Variants in SPMIP7 observed in about 807,000 individuals in gnomAD.
The protein encoded by SPMIP7 is protein SPMIP7.
the SPMIP7 span, chr7:50,159,102 G>C: frequency 6.4e-7 from 1 of 1,551,856 alleles, no homozygotes; most frequent in Non-Finnish European, 8.7e-7. Context: ...CCCCTGTCTC[G>C]ACTGGTCACA....
At chr7:50,115,747 G>T in the SPMIP7 span, among the ~76,000 whole-genome samples, 2 of 152,092 alleles carry the variant, frequency 1.3e-5, no homozygotes, top group Non-Finnish European at 2.9e-5. Context: ...GTGATTCATT[G>T]TGTTAACTGA....
chr7:50,097,769 A>G, the SPMIP7 span, among the ~76,000 whole-genome samples: 1 of 152,156 alleles, frequency 6.6e-6, no homozygotes, highest in Non-Finnish European at 1.5e-5. Context: ...TAAAATAAAG[A>G]ATAAATGTCA....
the SPMIP7 span, among the ~76,000 whole-genome samples, chr7:50,103,718 C>T: frequency 1.3e-5 from 2 of 152,194 alleles, no homozygotes; most frequent in Admixed American, 1.3e-4. Context: ...TAAGCCCTGA[C>T]AACCTGGTTA....
chr7:50,129,046 A>G, the SPMIP7 span, among the ~76,000 whole-genome samples: 1 of 152,082 alleles, frequency 6.6e-6, no homozygotes, highest in Non-Finnish European at 1.5e-5. Flanking sequence ...TAAAAAAATC[A>G]TCACTAGAAT....
At chr7:50,141,372 T>A in the SPMIP7 span, 1 of 1,549,032 alleles carries the variant, frequency 6.5e-7, no homozygotes, top group Non-Finnish European at 8.7e-7. Flanking sequence ...TAAGCCTCTT[T>A]ATACAAACAC....
chr7:50,121,157 G>T, the SPMIP7 span: 2 of 152,190 alleles, frequency 1.3e-5, no homozygotes, highest in African/African-American at 4.8e-5. Flanking sequence ...ATAATGAATT[G>T]TGAATTTATA....
chr7:50,148,358 T>G, the SPMIP7 span, among the ~76,000 whole-genome samples: 1 of 152,222 alleles, frequency 6.6e-6, no homozygotes, highest in Non-Finnish European at 1.5e-5. Flanking sequence ...ATCAATAACA[T>G]GCATGCCACA....
At chr7:50,141,208 G>C in the SPMIP7 span, 1 of 997,496 alleles carries the variant, frequency 1.0e-6, no homozygotes, top group East Asian at 2.6e-5. Flanking sequence ...TTGGAAGTTA[G>C]AATACTGTTC....
chr7:50,132,707 G>A, the SPMIP7 span, among the ~76,000 whole-genome samples: 1 of 152,110 alleles, frequency 6.6e-6, no homozygotes. Context: ...ATTATATTTA[G>A]TGCTTCTATG....
chr7:50,101,150 G>A, the SPMIP7 span, among the ~76,000 whole-genome samples: 1 of 152,310 alleles, frequency 6.6e-6, no homozygotes, highest in Admixed American at 6.5e-5. Context: ...TACTTCCCAT[G>A]TTGACATTGG....
chr7:50,103,740 C>T, the SPMIP7 span, among the ~76,000 whole-genome samples: 3 of 152,140 alleles, frequency 2.0e-5, no homozygotes, highest in South Asian at 6.2e-4. Context: ...ACTAGGTATT[C>T]TTAGGTATCC....
chr7:50,137,961 C>T, the SPMIP7 span, among the ~76,000 whole-genome samples: 1 of 151,856 alleles, frequency 6.6e-6, no homozygotes, highest in East Asian at 1.9e-4. Flanking sequence ...TATTTTAAGA[C>T]TTTTCTATTT....
At chr7:50,096,392 T>G in the SPMIP7 span, 1 of 1,552,026 alleles carries the variant, frequency 6.4e-7, no homozygotes, top group Non-Finnish European at 8.7e-7. Flanking sequence ...TGATGTGACC[T>G]TAGGTGATTC....
At chr7:50,119,750 A>G in the SPMIP7 span, among the ~76,000 whole-genome samples, 1 of 152,214 alleles carries the variant, frequency 6.6e-6, no homozygotes, top group Non-Finnish European at 1.5e-5. Context: ...AGTGATGCCT[A>G]CAAAAGGTAT....
chr7:50,158,793 G>A, the SPMIP7 span, among the ~76,000 whole-genome samples: 3 of 151,990 alleles, frequency 2.0e-5, no homozygotes, highest in Admixed American at 6.5e-5. Flanking sequence ...CCCCAGGCAC[G>A]GTGCGGTGGG....
the SPMIP7 span, chr7:50,133,975 A>G: frequency 1.5e-6 from 1 of 684,460 alleles, no homozygotes. Flanking sequence ...AGGTGATTAT[A>G]TATGGTATAC....
chr7:50,122,119 A>T, the SPMIP7 span, among the ~76,000 whole-genome samples: 9 of 152,324 alleles, frequency 5.9e-5, no homozygotes, highest in Admixed American at 2.6e-4. Flanking sequence ...GCCTAATAAA[A>T]TATTACTTTT....
At chr7:50,101,448 C>T in the SPMIP7 span, among the ~76,000 whole-genome samples, 1 of 152,150 alleles carries the variant, frequency 6.6e-6, no homozygotes, top group African/African-American at 2.4e-5. Flanking sequence ...GTGAAAGAAC[C>T]ACCCCCAACT....
the SPMIP7 span, among the ~76,000 whole-genome samples, chr7:50,126,462 G>A: frequency 6.6e-6 from 1 of 150,844 alleles, no homozygotes; most frequent in Non-Finnish European, 1.5e-5. Context: ...AAACATTCTA[G>A]GAAACAACCA....
Sources: gnomAD v4.1 joint callset for allele counts (sites outside exome capture counted in the v4.1 genomes callset) on GRCh38, gnomAD v4.1.1 for gene constraint, MANE v1.5 for transcripts, NCBI Gene and HGNC (gene_info 2026-07-23, HGNC 2026-07-21) for gene names.